The following KCTD20 variants were observed in gnomAD, a reference collection of about 807,000 sequenced individuals.
KCTD20 encodes BTB/POZ domain-containing protein KCTD20.
A neutral mutation model predicts 39.6 loss-of-function variants in KCTD20; 30 were observed. The observed-to-expected ratio is 0.76, with a 90% CI of 0.57 to 1.03. The LOEUF (loss-of-function observed/expected upper bound fraction) is 1.03. Ranked by LOEUF, KCTD20 falls within the 50% of genes least tolerant of loss-of-function variation. KCTD20 has a pLI of 0.00. For missense variants in KCTD20, 422 were observed against 522.0 expected (o/e 0.81, Z 1.87); for synonymous variants, 162 against 180.6 (o/e 0.90, Z 0.83).
intron 2 of KCTD20, among the ~76,000 whole-genome samples, chr6:36,471,566 T>C (rs1335245732): frequency 1.3e-5 from 2 of 152,186 alleles, no homozygotes; most frequent in African/African-American, 4.8e-5. Context: ...AACTGAGGCT[T>C]AGAAAGCTTA....
intron 1 of KCTD20, among the ~76,000 whole-genome samples, chr6:36,458,541 CAAAAAAAA>C (rs1174858102): frequency 1.5e-5 from 1 of 66,868 alleles, no homozygotes; most frequent in African/African-American, 5.0e-5. Flanking sequence ...AACTCCATCT[CAAAAAAAA>C]AAAAAAAAAA....
At chr6:36,452,286 A>G (rs192881437) in intron 1 of KCTD20, among the ~76,000 whole-genome samples, 5 of 152,298 alleles carry the variant, frequency 3.3e-5, no homozygotes, top group African/African-American at 1.2e-4. Flanking sequence ...AAGTGTGGGA[A>G]AATTTGCTAG....
Position 36,488,358 on chromosome 6 carries a change from C to G in KCTD20, c.*1183C>G, listed in dbSNP as rs562457329. Reference sequence around the variant, plus strand: ...AGTCATTTTATTTGATCTATTAGCTCTGTTATCAGTGCATGATCACCCAGA... The same window carrying G: ...AGTCATTTTATTTGATCTATTAGCTGTGTTATCAGTGCATGATCACCCAGA... On this transcript the variant is annotated 3_prime_UTR_variant, in exon 8 of 8. Transcript: ENST00000373731. 1 of 152,290 alleles carries G rather than the reference C, an allele frequency of 6.6e-6. No homozygotes were observed. Among genetic ancestry groups the G allele is most frequent in the South Asian group, 2.1e-4 (1 of 4,824 alleles). 9.4% of individuals were successfully genotyped at this position (152,290 alleles called of 1,614,324 possible).
intron 3 of KCTD20, 130 bp downstream of exon 3, chr6:36,475,192 T>A (rs1427171692): frequency 2.3e-6 from 2 of 882,928 alleles, no homozygotes; most frequent in African/African-American, 3.4e-5. Context: ...ACGTCTGTAA[T>A]CCCAGCACTT....
In KCTD20 at chr6:36,489,844, TATC is replaced by T. The variant is rs1776533649; in HGVS notation, c.*2672_*2674del. On this transcript the variant is annotated 3_prime_UTR_variant, in exon 8 of 8. Coordinates refer to ENST00000373731, the MANE Select transcript of KCTD20 (RefSeq NM_173562.5). The stretch of plus-strand genomic sequence containing the variant: ...GAATCTTGAGTTTGCATCTGCATCA[TATC>T]ATGCTGTTTTGATGAGGAAACATTT... 6.6e-6 allele frequency: 1 copy of T among 152,216 alleles called. No homozygotes were observed. Among genetic ancestry groups the T allele is most frequent in the Non-Finnish European group, 1.5e-5 (1 of 68,028 alleles). 9.4% of individuals were successfully genotyped at this position (152,216 alleles called of 1,614,324 possible). A position where few individuals can be genotyped will look rare whatever the true frequency, so the allele number is the denominator to read the frequency against.
At chr6:36,450,228 G>A (rs1018974016) in intron 1 of KCTD20, among the ~76,000 whole-genome samples, 3 of 148,938 alleles carry the variant, frequency 2.0e-5, no homozygotes, top group Admixed American at 6.8e-5. Flanking sequence ...TGGCTCCTGC[G>A]TGTAATCCCA....
chr6:36,476,428 ATTT>A (rs146381569), intron 3 of KCTD20, among the ~76,000 whole-genome samples: 13 of 137,680 alleles, frequency 9.4e-5, no homozygotes, highest in East Asian at 6.3e-4. Flanking sequence ...ACAGTGAACC[ATTT>A]TTTTTTTTTT....
intron 5 of KCTD20, among the ~76,000 whole-genome samples, chr6:36,481,332 G>C (rs77528204): frequency 1.3e-5 from 2 of 152,140 alleles, no homozygotes; most frequent in Admixed American, 6.5e-5. Flanking sequence ...ACCTCGATCA[G>C]AATGCTCAAG....
intron 1 of KCTD20, among the ~76,000 whole-genome samples, chr6:36,463,514 A>G (rs965130540): frequency 6.6e-6 from 1 of 152,186 alleles, no homozygotes; most frequent in Non-Finnish European, 1.5e-5. Context: ...AACAAAACCA[A>G]TGCTATGGTT....
chr6:36,467,324 T>C (rs796218914), intron 1 of KCTD20, among the ~76,000 whole-genome samples: 14 of 3,460 alleles, frequency 4.0e-3, no homozygotes, highest in Non-Finnish European at 0.02. Flanking sequence ...CAGGATTTTT[T>C]TTTTTTTTTT....
At chr6:36,480,350 C>G (rs1220039097) in intron 5 of KCTD20, among the ~76,000 whole-genome samples, 5 of 150,260 alleles carry the variant, frequency 3.3e-5, no homozygotes, top group African/African-American at 4.9e-5. Context: ...ACATGAGGAA[C>G]AGTTCACTAA....
At chr6:36,461,721 A>C (rs185687874) in intron 1 of KCTD20, among the ~76,000 whole-genome samples, 14 of 152,290 alleles carry the variant, frequency 9.2e-5, no homozygotes, top group Admixed American at 8.5e-4. Flanking sequence ...GCTGTCTTTC[A>C]TCTAAGTTAT....
At chr6:36,468,966 T>C (rs1486407367) in intron 1 of KCTD20, among the ~76,000 whole-genome samples, 1 of 152,216 alleles carries the variant, frequency 6.6e-6, no homozygotes, top group Non-Finnish European at 1.5e-5. Flanking sequence ...CTAAAAATAT[T>C]TTAATATATG....
chr6:36,454,021 A>G (rs1024393412), intron 1 of KCTD20, among the ~76,000 whole-genome samples: 2 of 152,192 alleles, frequency 1.3e-5, no homozygotes, highest in African/African-American at 4.8e-5. Flanking sequence ...ACTTAATTCC[A>G]CTGTGTTCAG....
In KCTD20 at chr6:36,489,835, T is replaced by C. The variant is rs1776532890; in HGVS notation, c.*2660T>C. ...TGAAGTTTAGAATCTTGAGTTTGCA[T>C]CTGCATCATATCATGCTGTTTTGAT... On this transcript the variant is annotated 3_prime_UTR_variant, in exon 8 of 8. Coordinates refer to ENST00000373731, the MANE Select transcript of KCTD20 (RefSeq NM_173562.5). 1 of 152,236 alleles carries C rather than the reference T, an allele frequency of 6.6e-6. No homozygotes were observed. Among genetic ancestry groups the C allele is most frequent in the Non-Finnish European group, 1.5e-5 (1 of 68,036 alleles). The allele number at this position is 152,236 out of a possible 1,614,324, so 9.4% of individuals were successfully genotyped here. A position where few individuals can be genotyped will look rare whatever the true frequency, so the allele number is the denominator to read the frequency against.
chr6:36,482,364 C>T (rs1482934552), intron 6 of KCTD20, among the ~76,000 whole-genome samples: 2 of 150,640 alleles, frequency 1.3e-5, no homozygotes, highest in Admixed American at 1.3e-4. Flanking sequence ...CCAGTCTGGC[C>T]AACATAGTGA....
chr6:36,449,156 A>G (rs1775151819), intron 1 of KCTD20, among the ~76,000 whole-genome samples: 1 of 152,196 alleles, frequency 6.6e-6, no homozygotes, highest in African/African-American at 2.4e-5. Flanking sequence ...GGTGGCCAGC[A>G]TTTAGTCCCT....
intron 2 of KCTD20, among the ~76,000 whole-genome samples, chr6:36,472,880 C>A (rs1195559454): frequency 6.7e-6 from 1 of 149,832 alleles, no homozygotes; most frequent in Non-Finnish European, 1.5e-5. Flanking sequence ...TTGTATCATG[C>A]AGTATTTTAC....
At chr6:36,477,312 A>G (rs1021466944) in intron 3 of KCTD20, among the ~76,000 whole-genome samples, 2 of 152,188 alleles carry the variant, frequency 1.3e-5, no homozygotes, top group Non-Finnish European at 2.9e-5. Flanking sequence ...TGGGGGGATT[A>G]TAGTTACAAT....
Sources: allele counts gnomAD v4.1 joint callset (sites outside exome capture counted in the v4.1 genomes callset), GRCh38; gene constraint gnomAD v4.1.1; transcripts MANE v1.5; gene names NCBI Gene and HGNC (gene_info 2026-07-23, HGNC 2026-07-21).